Variants in ROBO1 observed in about 807,000 individuals in gnomAD.
ROBO1 encodes the protein roundabout guidance receptor 1.
A neutral mutation model predicts 195.9 loss-of-function variants in ROBO1; 149 were observed. The ratio of observed to expected loss-of-function variants is 0.76; its 90% confidence interval spans 0.67 to 0.87. The LOEUF (loss-of-function observed/expected upper bound fraction) is 0.87, where lower values mean the gene tolerates loss of function less well. ROBO1 is among the 40% of genes least tolerant of loss of function. The probability of loss-of-function intolerance (pLI) is 0.00; values close to 1 mark genes in which losing one functional copy is unlikely to be tolerated. For missense variants in ROBO1, 1,933 were observed against 2,068.3 expected, an observed-to-expected ratio of 0.93 and a Z score of 1.27; for synonymous variants, 816 against 733.2, an observed-to-expected ratio of 1.11 and a Z score of -1.82.
chr3:79,609,494 A>C (rs1944589955), intron 1 of ROBO1, among the ~76,000 whole-genome samples: 1 of 151,982 alleles, frequency 6.6e-6, no homozygotes, highest in South Asian at 2.1e-4. Flanking sequence ...CAGAAATGCC[A>C]CTTCTGGGTA....
intron 2 of ROBO1, among the ~76,000 whole-genome samples, chr3:79,395,321 CAA>C (rs71631647): frequency 1.0e-4 from 5 of 50,164 alleles, no homozygotes; most frequent in Admixed American, 2.4e-4. Context: ...GACTCCGTCT[CAA>C]AAAAAAAAAA....
At chr3:79,391,388 C>A (rs905733376) in intron 2 of ROBO1, among the ~76,000 whole-genome samples, 1 of 152,134 alleles carries the variant, frequency 6.6e-6, no homozygotes, top group African/African-American at 2.4e-5. Context: ...ATTATTTTTA[C>A]AATTTTTAAA....
chr3:79,144,487 T>C (rs1383449556), intron 2 of ROBO1, among the ~76,000 whole-genome samples: 1 of 152,030 alleles, frequency 6.6e-6, no homozygotes, highest in East Asian at 1.9e-4. Context: ...CTTCTAAATC[T>C]TTCTTTTCTT....
At chr3:79,385,523 G>T (rs955043588) in intron 2 of ROBO1, among the ~76,000 whole-genome samples, 1 of 151,906 alleles carries the variant, frequency 6.6e-6, no homozygotes, top group East Asian at 1.9e-4. Context: ...TTATCTTTCC[G>T]CAAGACCAGC....
intron 4 of ROBO1, among the ~76,000 whole-genome samples, chr3:78,751,184 C>T (rs1286643642): frequency 6.6e-6 from 1 of 152,064 alleles, no homozygotes; most frequent in Non-Finnish European, 1.5e-5. Context: ...CTACATGAAT[C>T]ATAGAATCTC....
chr3:79,559,017 G>A (rs1238635552), intron 2 of ROBO1, among the ~76,000 whole-genome samples: 3 of 152,138 alleles, frequency 2.0e-5, no homozygotes, highest in Admixed American at 1.3e-4. Context: ...AACGTAGTAT[G>A]TAAACAAGCC....
chr3:79,385,577 A>G (rs1409003594), intron 2 of ROBO1, among the ~76,000 whole-genome samples: 1 of 152,156 alleles, frequency 6.6e-6, no homozygotes, highest in East Asian at 1.9e-4. Flanking sequence ...AAAATGTGGA[A>G]CCTGAGACTT....
At chr3:78,806,249 T>C (rs2084535417) in intron 4 of ROBO1, among the ~76,000 whole-genome samples, 1 of 152,254 alleles carries the variant, frequency 6.6e-6, no homozygotes, top group South Asian at 2.1e-4. Flanking sequence ...GCTGGGATTA[T>C]AGGCATGCAC....
At chr3:79,060,939 C>T (rs542936955) in intron 3 of ROBO1, among the ~76,000 whole-genome samples, 130 of 152,232 alleles carry the variant, frequency 8.5e-4, no homozygotes, top group Non-Finnish European at 1.5e-3. Flanking sequence ...AAAACTGGCA[C>T]AAGGCAAGGA....
intron 28 of ROBO1, among the ~76,000 whole-genome samples, chr3:78,609,363 C>T (rs1703654101): frequency 6.6e-6 from 1 of 152,090 alleles, no homozygotes; most frequent in South Asian, 2.1e-4. Flanking sequence ...TAAAGCAGGG[C>T]TGTCAAGTCT....
intron 3 of ROBO1, among the ~76,000 whole-genome samples, chr3:79,043,078 C>T (rs2078518869): frequency 6.6e-6 from 1 of 152,026 alleles, no homozygotes; most frequent in Non-Finnish European, 1.5e-5. Flanking sequence ...CAAAAAATTA[C>T]ACTAATTTAA....
chr3:78,628,011 T>C (rs1262580571), intron 25 of ROBO1, among the ~76,000 whole-genome samples: 1 of 149,954 alleles, frequency 6.7e-6, no homozygotes, highest in Non-Finnish European at 1.5e-5. Flanking sequence ...TGGAGTGCAA[T>C]GGCACAATCT....
intron 1 of ROBO1, among the ~76,000 whole-genome samples, chr3:79,706,300 C>T (rs545541510): frequency 6.6e-6 from 1 of 151,998 alleles, no homozygotes; most frequent in South Asian, 2.1e-4. Context: ...TTATAGATAC[C>T]CTTTATCAAG....
At chr3:79,765,325 A>G (rs1704925201) in intron 1 of ROBO1, among the ~76,000 whole-genome samples, 1 of 152,208 alleles carries the variant, frequency 6.6e-6, no homozygotes, top group South Asian at 2.1e-4. Context: ...GGTCCATAAG[A>G]AACAAAGTCA....
intron 1 of ROBO1, among the ~76,000 whole-genome samples, chr3:79,758,577 C>G (rs1704530626): frequency 1.3e-5 from 2 of 152,096 alleles, no homozygotes; most frequent in African/African-American, 4.8e-5. Flanking sequence ...GAATATGATT[C>G]AGAAGGGTCA....
intron 2 of ROBO1, among the ~76,000 whole-genome samples, chr3:79,502,616 G>A (rs905849260): frequency 4.6e-5 from 7 of 152,138 alleles, no homozygotes; most frequent in African/African-American, 7.2e-5. Context: ...GGCGCACAGC[G>A]CGGGACTGGC....
At chr3:79,045,005 C>T (rs2078564087) in intron 3 of ROBO1, among the ~76,000 whole-genome samples, 3 of 151,986 alleles carry the variant, frequency 2.0e-5, no homozygotes, top group Admixed American at 2.0e-4. Flanking sequence ...TTATTTCCCA[C>T]TATGTTTGCC....
chr3:79,436,578 A>G (rs1450366636), intron 2 of ROBO1, among the ~76,000 whole-genome samples: 1 of 152,126 alleles, frequency 6.6e-6, no homozygotes, highest in Admixed American at 6.6e-5. Context: ...ATGTAAACTA[A>G]GCAGCATATT....
intron 3 of ROBO1, among the ~76,000 whole-genome samples, chr3:78,990,911 C>T (rs1213104942): frequency 1.3e-5 from 2 of 152,088 alleles, no homozygotes; most frequent in Non-Finnish European, 2.9e-5. Context: ...CAAATATAAG[C>T]TCTTACACAT....
Sources: gnomAD v4.1 joint callset for allele counts (sites outside exome capture counted in the v4.1 genomes callset) on GRCh38, gnomAD v4.1.1 for gene constraint, MANE v1.5 for transcripts, NCBI Gene and HGNC (gene_info 2026-07-23, HGNC 2026-07-21) for gene names.